Variants in KDM2A observed in about 807,000 individuals in gnomAD.
The protein encoded by KDM2A is lysine-specific demethylase 2A.
A neutral mutation model predicts 137.3 loss-of-function variants in KDM2A; 3 were observed. The observed-to-expected ratio is 0.02, with a 90% CI of 0.01 to 0.06. The LOEUF (loss-of-function observed/expected upper bound fraction) is 0.06. Among genes scored for constraint, KDM2A ranks in the 10% least tolerant of loss-of-function variants. The pLI, the probability that KDM2A is intolerant of heterozygous loss-of-function variation, is 1.00. For missense variants in KDM2A, 738 were observed against 1,510.6 expected, an observed-to-expected ratio of 0.49 and a Z score of 8.48; for synonymous variants, 512 against 541.5, an observed-to-expected ratio of 0.95 and a Z score of 0.76.
At chr11:67,181,755 C>T (rs980502329) in intron 4 of KDM2A, 91 bp from the exon 5 acceptor site, 4 of 963,594 alleles carry the variant, frequency 4.2e-6, no homozygotes, top group Non-Finnish European at 6.7e-6. Context: ...ATTACTGTGT[C>T]TGGGGAGTAC....
chr11:67,206,825 T>TA (rs1442495433), intron 5 of KDM2A, among the ~76,000 whole-genome samples: 1 of 152,270 alleles, frequency 6.6e-6, no homozygotes, highest in Non-Finnish European at 1.5e-5. Context: ...CTTGTGGCCT[T>TA]ATGCGTTTTG....
chr11:67,225,404 G>A (rs1222951460), intron 10 of KDM2A, among the ~76,000 whole-genome samples: 2 of 152,150 alleles, frequency 1.3e-5, no homozygotes, highest in East Asian at 3.9e-4. Context: ...GGGAGGCTGA[G>A]GCGGGCGAAT....
intron 2 of KDM2A, among the ~76,000 whole-genome samples, chr11:67,172,179 A>G (rs987628267): frequency 1.3e-5 from 2 of 152,010 alleles, no homozygotes; most frequent in Admixed American, 6.6e-5. Flanking sequence ...TTGTAGAGGC[A>G]GTGGCTGGTC....
intron 2 of KDM2A, among the ~76,000 whole-genome samples, chr11:67,172,932 A>G (rs1226383572): frequency 1.3e-5 from 2 of 152,084 alleles, no homozygotes; most frequent in East Asian, 3.8e-4. Flanking sequence ...CCACATCTCA[A>G]AAAAGAAAAG....
chr11:67,205,383 T>C (rs1857769669), intron 5 of KDM2A, among the ~76,000 whole-genome samples: 1 of 152,136 alleles, frequency 6.6e-6, no homozygotes, highest in South Asian at 2.1e-4. Context: ...CTCCTATCTT[T>C]AACTAAGCTA....
chr11:67,164,695 A>G (rs2136319694), intron 2 of KDM2A, among the ~76,000 whole-genome samples: 1 of 151,786 alleles, frequency 6.6e-6, no homozygotes, highest in East Asian at 1.9e-4. Context: ...ATCTCGGCTC[A>G]CGGCAACCTC....
chr11:67,132,087 A>T (rs1250403091), intron 2 of KDM2A: 1 of 152,192 alleles, frequency 6.6e-6, no homozygotes, highest in African/African-American at 2.4e-5. Flanking sequence ...GGTAGAGAGG[A>T]GGAGGGAAGA....
At chr11:67,244,230 A>G (rs1859136549) in intron 13 of KDM2A, among the ~76,000 whole-genome samples, 1 of 152,246 alleles carries the variant, frequency 6.6e-6, no homozygotes, top group African/African-American at 2.4e-5. Flanking sequence ...AAGATATGGT[A>G]AGAAATTAAA....
intron 3 of KDM2A, chr11:67,180,449 G>A: frequency 2.7e-6 from 1 of 366,000 alleles, no homozygotes; most frequent in East Asian, 4.3e-5. Context: ...GAGTATTGTT[G>A]GATTTTTTTG....
chr11:67,252,536 T>TCACAGA, intron 17 of KDM2A, 158 bp from the exon 18 acceptor site: 2 of 799,120 alleles, frequency 2.5e-6, no homozygotes, highest in Non-Finnish European at 4.1e-6. Context: ...ATTTTTTGCC[T>TCACAGA]ATTCTGTGAG....
intron 2 of KDM2A, among the ~76,000 whole-genome samples, chr11:67,130,830 C>T (rs1855838217): frequency 6.6e-6 from 1 of 151,520 alleles, no homozygotes; most frequent in Non-Finnish European, 1.5e-5. Context: ...TCAAAACAAC[C>T]CTGGAAGGTA....
intron 2 of KDM2A, among the ~76,000 whole-genome samples, chr11:67,172,617 TG>T (rs1467114672): frequency 3.6e-3 from 25 of 7,022 alleles, no homozygotes; most frequent in South Asian, 0.067. Flanking sequence ...CTCTTATAGT[TG>T]TGTGTGTGTG....
intron 2 of KDM2A, among the ~76,000 whole-genome samples, chr11:67,128,626 T>G (rs1855784188): frequency 6.6e-6 from 1 of 152,140 alleles, no homozygotes; most frequent in Non-Finnish European, 1.5e-5. Context: ...TACATCAGTC[T>G]TCCACAGTAA....
intron 5 of KDM2A, among the ~76,000 whole-genome samples, chr11:67,198,412 G>A (rs1857534103): frequency 6.6e-6 from 1 of 151,268 alleles, no homozygotes; most frequent in Non-Finnish European, 1.5e-5. Flanking sequence ...CTCACTTCAT[G>A]TCTGTCACAT....
rs1452572667 is a variant in KDM2A, at chr11:67,250,847, G to T, written c.2768+49G>T. On this transcript the variant is annotated intron_variant, in intron 17 of 20. Transcript: ENST00000529006. This position sits in a 1 kb window ranked among gnomAD's most constrained non-coding sequence, Gnocchi z 7.1. ...GGAATTAGGGGTATGGGAGTAGGTG[G>T]CAGGTTTTCCATATGAGAACAGCAT... The T allele has an allele frequency of 7.1e-7, 1 of 1,410,988 alleles. No individual in the cohort carries two copies. Among genetic ancestry groups the T allele is most frequent in the East Asian group, 2.3e-5 (1 of 43,336 alleles). 87.4% of individuals were successfully genotyped at this position (1,410,988 alleles called of 1,614,324 possible).
At chr11:67,123,565 A>T (rs1855648222) in intron 2 of KDM2A, among the ~76,000 whole-genome samples, 1 of 152,082 alleles carries the variant, frequency 6.6e-6, no homozygotes. Flanking sequence ...TTTCCCAGGT[A>T]GTTATTGCTA....
At chr11:67,200,667 C>G (rs1857597998) in intron 5 of KDM2A, among the ~76,000 whole-genome samples, 1 of 151,958 alleles carries the variant, frequency 6.6e-6, no homozygotes, top group African/African-American at 2.4e-5. Flanking sequence ...GCCAACACAC[C>G]CAGTTAATTT....
intron 5 of KDM2A, among the ~76,000 whole-genome samples, chr11:67,192,443 T>C (rs1043562440): frequency 4.8e-5 from 6 of 125,824 alleles, no homozygotes; most frequent in Non-Finnish European, 8.0e-5. Context: ...CTTTTTTTTT[T>C]TTTTTTTTTT....
intron 7 of KDM2A, 120 bp from the exon 8 acceptor site, chr11:67,215,736 C>G (rs1858140628): frequency 2.6e-6 from 2 of 777,448 alleles, no homozygotes; most frequent in East Asian, 4.9e-5. Flanking sequence ...TTTTCTCCTT[C>G]TGGAACTTAA....
Sources: allele counts gnomAD v4.1 joint callset (sites outside exome capture counted in the v4.1 genomes callset), GRCh38; gene constraint gnomAD v4.1.1; non-coding constraint Gnocchi (gnomAD v3.1); transcripts MANE v1.5; gene names NCBI Gene and HGNC (gene_info 2026-07-23, HGNC 2026-07-21).